Variants in GRK5 observed in about 807,000 individuals in gnomAD.
The protein encoded by GRK5 is G protein-coupled receptor kinase 5.
Under a neutral mutation model 78.4 loss-of-function variants are expected in GRK5, and 40 were observed. The observed-to-expected ratio is 0.51, with a 90% CI of 0.40 to 0.66. The LOEUF is 0.66. Ranked by LOEUF, GRK5 falls within the 30% of genes least tolerant of loss-of-function variation. The pLI, the probability that GRK5 is intolerant of heterozygous loss-of-function variation, is 0.00. For missense variants in GRK5, 598 were observed against 759.9 expected (o/e 0.79, Z 2.50); for synonymous variants, 289 against 296.8 (o/e 0.97, Z 0.27).
chr10:119,433,868 G>A (rs186861563), intron 8 of GRK5, among the ~76,000 whole-genome samples: 171 of 152,312 alleles, frequency 1.1e-3, no homozygotes, highest in Non-Finnish European at 1.9e-3. Context: ...CAGTGTATTA[G>A]TCCATTTTCA....
chr10:119,326,134 G>A (rs1207120118), intron 1 of GRK5, among the ~76,000 whole-genome samples: 4 of 152,276 alleles, frequency 2.6e-5, no homozygotes, highest in Non-Finnish European at 5.9e-5. Context: ...GCACCTGCCT[G>A]TGCCTCTGCC....
chr10:119,238,041 G>A lies in GRK5; in HGVS notation c.52+30072G>A, dbSNP rs1447688692. On this transcript the variant is annotated intron_variant, in intron 1 of 15. Transcript: ENST00000392870. The surrounding 1 kb of genome is among the most constrained non-coding windows in gnomAD (Gnocchi z 4.7). Reference sequence around the variant, plus strand: ...CTGTCTTTAAACTTACGAACTAAAGGGCTTGAGGGTGAGGGGGTGCTGATC... The same window carrying A: ...CTGTCTTTAAACTTACGAACTAAAGAGCTTGAGGGTGAGGGGGTGCTGATC... Among the ~76,000 whole-genome samples, 2 of 152,134 alleles carry A rather than the reference G, an allele frequency of 1.3e-5. No individual in the cohort carries two copies. The highest frequency in any genetic ancestry group is 4.8e-5 in the African/African-American group (2 of 41,434).
At chr10:119,432,576 A>G (rs543933861) in intron 8 of GRK5, among the ~76,000 whole-genome samples, 11 of 152,372 alleles carry the variant, frequency 7.2e-5, no homozygotes, top group African/African-American at 2.6e-4. Flanking sequence ...TGTTTTATTC[A>G]TGCACAGGCT....
At chr10:119,220,088 C>T (rs1251487422) in intron 1 of GRK5, among the ~76,000 whole-genome samples, 2 of 152,192 alleles carry the variant, frequency 1.3e-5, no homozygotes, top group South Asian at 2.1e-4. Context: ...ACAAGGAAAA[C>T]GTATGTTAAC....
intron 4 of GRK5, among the ~76,000 whole-genome samples, chr10:119,409,978 C>A (rs1852307067): frequency 6.6e-6 from 1 of 152,214 alleles, no homozygotes; most frequent in Admixed American, 6.5e-5. Context: ...TGGCTGCATG[C>A]AAACCACTGG....
intron 1 of GRK5, among the ~76,000 whole-genome samples, chr10:119,316,631 A>G (rs1257310402): frequency 6.6e-6 from 1 of 152,164 alleles, no homozygotes; most frequent in African/African-American, 2.4e-5. Context: ...TTACAGTTCT[A>G]TTGTTGCAAA....
At chr10:119,354,395 C>CTTTTTTTTTT (rs60146483) in intron 2 of GRK5, among the ~76,000 whole-genome samples, 2 of 87,808 alleles carry the variant, frequency 2.3e-5, no homozygotes, top group East Asian at 3.3e-4. Context: ...CCTACATCTC[C>CTTTTTTTTTT]TTTTTTTTTT....
chr10:119,278,661 T>G (rs1193892621), intron 1 of GRK5, among the ~76,000 whole-genome samples: 1 of 152,136 alleles, frequency 6.6e-6, no homozygotes, highest in African/African-American at 2.4e-5. Context: ...CACTCATTCA[T>G]TGCCCCTTCC....
intron 1 of GRK5, among the ~76,000 whole-genome samples, chr10:119,261,049 T>TCCC (rs1279879278): frequency 1.2e-5 from 1 of 85,982 alleles, no homozygotes; most frequent in Non-Finnish European, 2.5e-5. Context: ...CCCCCCCACC[T>TCCC]CCCTCCCGGA....
In GRK5 at chr10:119,452,085, A is replaced by G. The variant is rs1005170631; in HGVS notation, c.1405-586A>G. Among the ~76,000 whole-genome samples the G allele has an allele frequency of 3.9e-5, 6 of 152,190 alleles. No individual in the cohort carries two copies. Among genetic ancestry groups the G allele is most frequent in the Non-Finnish European group, 8.8e-5 (6 of 68,022 alleles). On this transcript the variant is annotated intron_variant, in intron 13 of 15. Coordinates refer to ENST00000392870, the MANE Select transcript of GRK5 (RefSeq NM_005308.3). The surrounding 1 kb of genome is among the most constrained non-coding windows in gnomAD (Gnocchi z 4.4). ...CAGGCCCCCAGTGCACAGCTGAGGG[A>G]CGAGTAAGGCAAAAGATATGCCTAC... is the stretch of plus-strand genomic sequence containing the variant.
At chr10:119,244,727 C>G (rs1223260591) in intron 1 of GRK5, among the ~76,000 whole-genome samples, 2 of 152,068 alleles carry the variant, frequency 1.3e-5, no homozygotes, top group Non-Finnish European at 2.9e-5. Flanking sequence ...GAGTTGAGAC[C>G]CTGTCTCAAC....
chr10:119,415,449 A>G (rs1287908593), intron 4 of GRK5, among the ~76,000 whole-genome samples: 1 of 152,186 alleles, frequency 6.6e-6, no homozygotes, highest in East Asian at 1.9e-4. Flanking sequence ...ACTTGGTCCT[A>G]TAGGCATTGG....
chr10:119,290,985 T>C (rs1392722746), intron 1 of GRK5, among the ~76,000 whole-genome samples: 1 of 151,840 alleles, frequency 6.6e-6, no homozygotes, highest in African/African-American at 2.4e-5. Flanking sequence ...GTGAGGAGGA[T>C]TGTGGGAGAA....
chr10:119,418,837 G>A (rs1007886866), intron 4 of GRK5, among the ~76,000 whole-genome samples: 3 of 152,116 alleles, frequency 2.0e-5, no homozygotes, highest in Non-Finnish European at 4.4e-5. Context: ...TTACCAACGA[G>A]CACCACCAAG....
chr10:119,330,219 A>C (rs989875937), intron 2 of GRK5: 2 of 152,040 alleles, frequency 1.3e-5, no homozygotes, highest in African/African-American at 4.8e-5. Flanking sequence ...ATACCCACAG[A>C]CTAGGTGGCT....
In GRK5 at chr10:119,431,487, A is replaced by G. The variant is rs1852815982; in HGVS notation, c.698A>G (p.Asn233Ser). The change falls in exon 8 of 16, where the codon AAT (asparagine) becomes AGT (serine). Residue 233 changes from asparagine (N) to serine (S), a missense_variant. Asn to Ser is a conservative substitution (Grantham distance 46, BLOSUM62 1). Coordinates refer to ENST00000392870, the MANE Select transcript of GRK5 (RefSeq NM_005308.3). The surrounding 1 kb of genome is among the most constrained non-coding windows in gnomAD (Gnocchi z 4.8). Reference sequence around the variant, plus strand: ...AGGAAAGGGGAGTCCATGGCCCTCAATGAGAAGCAGATCCTCGAGAAGGTC... The same window carrying G: ...AGGAAAGGGGAGTCCATGGCCCTCAGTGAGAAGCAGATCCTCGAGAAGGTC... ...KKRKGESMAL[N>S]EKQILEKVNS... The G allele has an allele frequency of 2.5e-6, 4 of 1,613,864 alleles. No homozygotes were observed. The highest frequency in any genetic ancestry group is 3.4e-6 in the Non-Finnish European group (4 of 1,179,926).
At chr10:119,288,381 G>A (rs1358786993) in intron 1 of GRK5, among the ~76,000 whole-genome samples, 2 of 152,210 alleles carry the variant, frequency 1.3e-5, no homozygotes, top group Non-Finnish European at 2.9e-5. Flanking sequence ...CTTGCTTGTT[G>A]TAGTTCTAGT....
chr10:119,400,482 C>T (rs577034638), intron 4 of GRK5, among the ~76,000 whole-genome samples: 18 of 152,178 alleles, frequency 1.2e-4, no homozygotes, highest in Admixed American at 5.9e-4. Flanking sequence ...CCATGGATGC[C>T]GTTGAACATT....
chr10:119,355,148 T>C (rs922282932), intron 2 of GRK5, among the ~76,000 whole-genome samples: 1 of 152,254 alleles, frequency 6.6e-6, no homozygotes, highest in African/African-American at 2.4e-5. Flanking sequence ...AGTCTGTACA[T>C]GTTCAGTGCA....
Sources: gnomAD v4.1 joint callset for allele counts (sites outside exome capture counted in the v4.1 genomes callset) on GRCh38, gnomAD v4.1.1 for gene constraint, Gnocchi (gnomAD v3.1) non-coding constraint, MANE v1.5 for transcripts, NCBI Gene and HGNC (gene_info 2026-07-23, HGNC 2026-07-21) for gene names.